Variants in KCNQ1 observed in about 807,000 individuals in gnomAD.
KCNQ1 encodes potassium voltage-gated channel subfamily KQT member 1.
KCNQ1 carries 49 observed loss-of-function variants against 72.4 expected under a neutral mutation model. The observed-to-expected ratio is 0.68, with a 90% confidence interval of 0.54 to 0.86. The LOEUF (loss-of-function observed/expected upper bound fraction) is 0.86, where lower values mean the gene tolerates loss of function less well. Ranked by LOEUF, KCNQ1 falls within the 40% of genes least tolerant of loss-of-function variation. KCNQ1 has a pLI of 0.00. For synonymous variants in KCNQ1, 450 were observed against 412.6 expected (o/e 1.09, Z -1.10); for missense variants, 790 against 945.1 (o/e 0.84, Z 2.15).
intron 1 of KCNQ1, among the ~76,000 whole-genome samples, chr11:2,506,856 C>CAT (rs1226143996): frequency 6.6e-6 from 1 of 152,178 alleles, no homozygotes; most frequent in East Asian, 1.9e-4. Flanking sequence ...GTCTAAAAGT[C>CAT]ATGTGTGTGT....
At chr11:2,692,886 C>T in intron 11 of KCNQ1, 1 of 397,862 alleles carries the variant, frequency 2.5e-6, no homozygotes, top group Non-Finnish European at 4.4e-6. Flanking sequence ...TGTGTAGATG[C>T]AGCAAGCTGG....
rs1405408672 is a variant in KCNQ1 at position 2,451,357 on chromosome 11, G to A, written c.386+5873G>A. ...TAATGCCACCGCTGATCCAACAGGA[G>A]GTAGAGCTCAGGTGGCCGTGCACAT... is the stretch of plus-strand genomic sequence containing the variant. On this transcript the variant is annotated intron_variant, in intron 1 of 15. Transcript: ENST00000155840. The surrounding 1 kb of genome is among the most constrained non-coding windows in gnomAD (Gnocchi z 6.4). 2.0e-5 allele frequency among the ~76,000 whole-genome samples: 3 copies of A among 152,212 alleles called. No homozygotes were observed.
intron 15 of KCNQ1, 67 bp from the exon 16 acceptor site, chr11:2,847,700 C>G (rs1848359010): frequency 1.4e-6 from 2 of 1,453,296 alleles, no homozygotes; most frequent in South Asian, 1.2e-5. Flanking sequence ...AAACCTGGGC[C>G]CTGAGGCTGT....
intron 10 of KCNQ1, chr11:2,655,842 CT>C (rs1161249205): frequency 2.5e-6 from 1 of 398,578 alleles, no homozygotes; most frequent in African/African-American, 2.1e-5. Context: ...ATAACCTCTC[CT>C]CTTGAATTGG....
chr11:2,793,865 A>G lies in KCNQ1; in HGVS notation c.1794+15828A>G, dbSNP rs1847081016. ...CAGGGGGACGCACATAGTGACCCGT[A>G]ATTACATATCTGTCTGTGTGAAGGA... is the stretch of plus-strand genomic sequence containing the variant. On this transcript the variant is annotated intron_variant, in intron 15 of 15. Transcript: ENST00000155840. 2.6e-5 allele frequency among the ~76,000 whole-genome samples: 4 copies of G among 152,194 alleles called. No individual in the cohort carries two copies. In the South Asian group the frequency reaches 8.3e-4, roughly 32 times the overall value.
rs1046450005 is a variant in KCNQ1 at position 2,657,247 on chromosome 11, C to T, written c.1394-4714C>T. 2.5e-5 allele frequency: 10 copies of T among 398,478 alleles called. No homozygotes were observed. The highest frequency in any genetic ancestry group is 2.2e-5 in the Non-Finnish European group (5 of 226,070). 24.7% of individuals were successfully genotyped at this position (398,478 alleles called of 1,614,324 possible). On this transcript the variant is annotated intron_variant, in intron 10 of 15. Transcript: ENST00000155840. This position sits in a 1 kb window ranked among gnomAD's most constrained non-coding sequence, Gnocchi z 4.8. ...CAGTTAGAATCAGCTTGCCAAAGTTCTCACACAGAAGCCTTGAGATTTTTA... is the reference window on the plus strand; with the variant it reads ...CAGTTAGAATCAGCTTGCCAAAGTTTTCACACAGAAGCCTTGAGATTTTTA...
intron 10 of KCNQ1, chr11:2,650,676 TTC>T: frequency 2.5e-6 from 1 of 398,654 alleles, no homozygotes; most frequent in Non-Finnish European, 4.4e-6. Flanking sequence ...TTTAAGCCTC[TTC>T]TCTGATTCTG....
rs930445500 is a variant in KCNQ1 at position 2,813,807 on chromosome 11, C to T, written c.1795-33960C>T. ...GCACATAGGCCTGGGGTGTGGGGAGCATTAATGAGTGTGAGTGAGTGGCGG... is the reference window on the plus strand; with the variant it reads ...GCACATAGGCCTGGGGTGTGGGGAGTATTAATGAGTGTGAGTGAGTGGCGG... On this transcript the variant is annotated intron_variant, in intron 15 of 15. Coordinates refer to ENST00000155840, the MANE Select transcript of KCNQ1 (RefSeq NM_000218.3). This position sits in a 1 kb window ranked among gnomAD's most constrained non-coding sequence, Gnocchi z 4.4. 2.0e-5 allele frequency among the ~76,000 whole-genome samples: 3 copies of T among 151,752 alleles called. No individual in the cohort carries two copies. The highest frequency in any genetic ancestry group is 7.3e-5 in the African/African-American group (3 of 41,298).
chr11:2,692,304 A>T (rs760021905), intron 11 of KCNQ1: 110 of 398,772 alleles, frequency 2.8e-4, no homozygotes, highest in Middle Eastern at 6.2e-4. Context: ...GCTTCCCTCC[A>T]TCCCTATTGC....
At position 2,691,997 on chromosome 11, in the gene KCNQ1, T is replaced by A. The variant is rs1350712588; in HGVS notation, c.1514+29916T>A. ...CAAACCATTTCCCTAAGCTGTTCCC[T>A]CAGCACCAAGGGCTTCCAGACCACC... On this transcript the variant is annotated intron_variant, in intron 11 of 15. Transcript: ENST00000155840. This position sits in a 1 kb window ranked among gnomAD's most constrained non-coding sequence, Gnocchi z 6.4. 1.0e-5 allele frequency: 4 copies of A among 398,494 alleles called. No homozygotes were observed. The highest frequency in any genetic ancestry group is 4.4e-6 in the Non-Finnish European group (1 of 226,086). 24.7% of individuals were successfully genotyped at this position (398,494 alleles called of 1,614,324 possible).
Position 2,560,972 on chromosome 11 carries a change from G to A in KCNQ1, c.478-9656G>A, listed in dbSNP as rs144006158. 7.4e-3 allele frequency among the ~76,000 whole-genome samples: 1,120 copies of A among 152,078 alleles called. 11 individuals carry two copies. The highest frequency in any genetic ancestry group is 0.026 in the African/African-American group (1,076 of 41,468). ...AATCCCAGCACTTTGGGAGGCCGAG[G>A]CGGGCGGATCACGAGGTCAGGAGAT... On this transcript the variant is annotated intron_variant, in intron 2 of 15. Transcript: ENST00000155840.
rs752351560 is a variant in KCNQ1 at position 2,601,448 on chromosome 11, G to C, written c.1393+12594G>C. ...TGCACCCTTTAGTTAGTTTCCGTCA[G>C]TGGTAGCATCTTCTAAAACCATAGC... On this transcript the variant is annotated intron_variant, in intron 10 of 15. Transcript: ENST00000155840. The surrounding 1 kb of genome is among the most constrained non-coding windows in gnomAD (Gnocchi z 5.2). 3.3e-4 allele frequency among the ~76,000 whole-genome samples: 50 copies of C among 152,326 alleles called. No homozygotes were observed. The highest frequency in any genetic ancestry group is 5.3e-4 in the Non-Finnish European group (36 of 68,032).
rs531035124 is a variant in KCNQ1 at position 2,515,938 on chromosome 11, C to T, written c.387-11990C>T. On this transcript the variant is annotated intron_variant, in intron 1 of 15. Coordinates refer to ENST00000155840, the MANE Select transcript of KCNQ1 (RefSeq NM_000218.3). This position sits in a 1 kb window ranked among gnomAD's most constrained non-coding sequence, Gnocchi z 4.7. ...CCCCTGTCCTCTGCTGAGGCCCTGA[C>T]CACCTCTATGTGTGCCATGGCTGCA... 1.3e-5 allele frequency among the ~76,000 whole-genome samples: 2 copies of T among 151,922 alleles called. No individual in the cohort carries two copies. Among genetic ancestry groups the T allele is most frequent in the Non-Finnish European group, 2.9e-5 (2 of 67,990 alleles).
At chr11:2,629,558 G>C (rs2133814324) in intron 10 of KCNQ1, 1 of 398,416 alleles carries the variant, frequency 2.5e-6, no homozygotes, top group East Asian at 3.6e-5. Context: ...AGGATATCCA[G>C]TTTTCCTGGC....
chr11:2,695,715 C>T lies in KCNQ1; in HGVS notation c.1514+33634C>T. On this transcript the variant is annotated intron_variant, in intron 11 of 15. Coordinates refer to ENST00000155840, the MANE Select transcript of KCNQ1 (RefSeq NM_000218.3). The surrounding 1 kb of genome is among the most constrained non-coding windows in gnomAD (Gnocchi z 5.2). ...GAACGTCTGTGCCTGTCTCCGTCCCCACCTGCAGCACACAGGGAGGCTTGT... is the reference window on the plus strand; with the variant it reads ...GAACGTCTGTGCCTGTCTCCGTCCCTACCTGCAGCACACAGGGAGGCTTGT... 2.5e-6 allele frequency: 1 copy of T among 398,664 alleles called. No individual in the cohort carries two copies. The highest frequency in any genetic ancestry group is 4.4e-6 in the Non-Finnish European group (1 of 226,080). The allele number at this position is 398,664 out of a possible 1,614,324, so 24.7% of individuals were successfully genotyped here. A position where few individuals can be genotyped will look rare whatever the true frequency, so the allele number is the denominator to read the frequency against.
At chr11:2,496,219 G>A (rs543267716) in intron 1 of KCNQ1, among the ~76,000 whole-genome samples, 77 of 151,978 alleles carry the variant, frequency 5.1e-4, no homozygotes, top group African/African-American at 1.8e-3. Flanking sequence ...GTTGGATCAC[G>A]AGATCAGGAG....
chr11:2,762,279 C>T lies in KCNQ1; in HGVS notation c.1515-6565C>T, dbSNP rs1004244107. Among the ~76,000 whole-genome samples the T allele has an allele frequency of 2.0e-5, 3 of 152,192 alleles. No homozygotes were observed. In the East Asian group the frequency reaches 5.8e-4, roughly 29 times the overall value. ...CATACTGTTTGCGTTCCTTTAAAGA[C>T]GTCTTTGCCCATCCCAGGTCGTGAA... is the stretch of plus-strand genomic sequence containing the variant. On this transcript the variant is annotated intron_variant, in intron 11 of 15. Transcript: ENST00000155840. The surrounding 1 kb of genome is among the most constrained non-coding windows in gnomAD (Gnocchi z 4.3).
chr11:2,502,224 G>T (rs181468027), intron 1 of KCNQ1, among the ~76,000 whole-genome samples: 2 of 152,158 alleles, frequency 1.3e-5, no homozygotes, highest in Admixed American at 1.3e-4. Context: ...GAAAATAAAG[G>T]GCATCCAAGT....
intron 11 of KCNQ1, among the ~76,000 whole-genome samples, chr11:2,719,394 C>A (rs1851165189): frequency 6.7e-6 from 1 of 148,838 alleles, no homozygotes; most frequent in Non-Finnish European, 1.5e-5. Flanking sequence ...TGTTTGGGGG[C>A]TGAGATGGGA....
Sources: allele counts gnomAD v4.1 joint callset (sites outside exome capture counted in the v4.1 genomes callset), GRCh38; gene constraint gnomAD v4.1.1; non-coding constraint Gnocchi (gnomAD v3.1); transcripts MANE v1.5; gene names NCBI Gene and HGNC (gene_info 2026-07-23, HGNC 2026-07-21).